RBFOX1: variants seen among roughly 807,000 people sequenced by gnomAD.
The protein encoded by RBFOX1 is RNA binding protein fox-1 homolog 1.
RBFOX1 carries 8 observed loss-of-function variants against 57.7 expected under a neutral mutation model. The ratio of observed to expected loss-of-function variants is 0.14; its 90% confidence interval spans 0.08 to 0.25. The LOEUF (loss-of-function observed/expected upper bound fraction) is 0.25. Ranked by LOEUF, RBFOX1 falls within the 10% of genes least tolerant of loss-of-function variation. The pLI is 1.00. For missense variants in RBFOX1, 611 were observed against 548.5 expected (o/e 1.11, Z -1.14); for synonymous variants, 326 against 222.4 (o/e 1.47, Z -4.15).
chr16:7,320,758 C>G (rs771811081), intron 4 of RBFOX1, among the ~76,000 whole-genome samples: 27 of 152,232 alleles, frequency 1.8e-4, no homozygotes, highest in Admixed American at 3.3e-4. Flanking sequence ...AGCTCAAACA[C>G]TTACAAATGG....
intron 3 of RBFOX1, among the ~76,000 whole-genome samples, chr16:5,698,429 C>G (rs2050916361): frequency 6.6e-6 from 1 of 151,958 alleles, no homozygotes; most frequent in Non-Finnish European, 1.5e-5. Flanking sequence ...ATTGTAGTTT[C>G]CTTACTTTTT....
intron 4 of RBFOX1, among the ~76,000 whole-genome samples, chr16:7,465,274 C>G (rs1447619238): frequency 6.6e-6 from 1 of 152,232 alleles, no homozygotes; most frequent in Non-Finnish European, 1.5e-5. Context: ...GAAGTACACA[C>G]TCATTACAAC....
chr16:6,884,626 T>C (rs2063606566), intron 3 of RBFOX1, among the ~76,000 whole-genome samples: 2 of 152,130 alleles, frequency 1.3e-5, no homozygotes, highest in African/African-American at 4.8e-5. Flanking sequence ...TGGCCAGGTG[T>C]GGTGGCTCAC....
chr16:6,165,907 G>A (rs1421327338), intron 1 of RBFOX1, among the ~76,000 whole-genome samples: 5 of 152,284 alleles, frequency 3.3e-5, no homozygotes, highest in Non-Finnish European at 7.4e-5. Flanking sequence ...AGAGGGAGAC[G>A]TCAAACTTAG....
chr16:6,420,457 A>G (rs2093741096), intron 2 of RBFOX1, among the ~76,000 whole-genome samples: 1 of 151,954 alleles, frequency 6.6e-6, no homozygotes, highest in Non-Finnish European at 1.5e-5. Context: ...GGTGTTTCTG[A>G]ATCAAGGATG....
intron 4 of RBFOX1, among the ~76,000 whole-genome samples, chr16:7,166,972 C>CTTTTTTTTTTTTTT (rs537293692): frequency 3.9e-4 from 19 of 49,110 alleles, no homozygotes; most frequent in East Asian, 6.4e-4. Flanking sequence ...CATTGGTGTT[C>CTTTTTTTTTTTTTT]TTTTTTTTTT....
chr16:5,343,885 A>G (rs1325384959), intron 1 of RBFOX1, among the ~76,000 whole-genome samples: 2 of 152,186 alleles, frequency 1.3e-5, no homozygotes, highest in Non-Finnish European at 2.9e-5. Context: ...TTTTTGCAGT[A>G]TGTATACTGT....
chr16:7,045,344 A>G (rs888135750), intron 3 of RBFOX1, among the ~76,000 whole-genome samples: 13 of 152,200 alleles, frequency 8.5e-5, no homozygotes. Context: ...CTGTGCAGGG[A>G]AAAATAAACA....
At chr16:7,199,664 C>G (rs963852104) in intron 4 of RBFOX1, among the ~76,000 whole-genome samples, 12 of 152,292 alleles carry the variant, frequency 7.9e-5, no homozygotes, top group African/African-American at 2.4e-4. Context: ...CAGGCTGAGG[C>G]AGACCAATCA....
chr16:6,809,948 T>G (rs559007198), intron 3 of RBFOX1, among the ~76,000 whole-genome samples: 2 of 152,028 alleles, frequency 1.3e-5, no homozygotes, highest in African/African-American at 4.8e-5. Context: ...CCGCTTGTCC[T>G]GAGTTGAGAT....
chr16:7,262,331 A>G (rs2094950408), intron 4 of RBFOX1, among the ~76,000 whole-genome samples: 1 of 151,428 alleles, frequency 6.6e-6, no homozygotes, highest in African/African-American at 2.4e-5. Flanking sequence ...TTTCATATTA[A>G]TGGGAAAACC....
At chr16:5,333,382 G>A (rs950815259) in intron 1 of RBFOX1, among the ~76,000 whole-genome samples, 3 of 152,204 alleles carry the variant, frequency 2.0e-5, no homozygotes, top group African/African-American at 7.2e-5. Flanking sequence ...CAATGGCAGA[G>A]TTGAGTAATT....
intron 2 of RBFOX1, among the ~76,000 whole-genome samples, chr16:5,587,163 T>C (rs1477943190): frequency 2.0e-5 from 3 of 152,184 alleles, no homozygotes; most frequent in African/African-American, 7.2e-5. Context: ...GAGCAACCCA[T>C]TGAGTTGGGA....
At chr16:7,550,859 C>T (rs1483709472) in intron 5 of RBFOX1, among the ~76,000 whole-genome samples, 7 of 151,920 alleles carry the variant, frequency 4.6e-5, no homozygotes, top group Admixed American at 1.3e-4. Flanking sequence ...TTTGAGAGGC[C>T]GAGGCAGGCG....
rs539502472 is a variant in RBFOX1, at chr16:6,955,685, G to C, written c.-15-96372G>C. Among the ~76,000 whole-genome samples, 63 of 100,594 alleles carry C rather than the reference G, an allele frequency of 6.3e-4. No homozygotes were observed. The East Asian group carries it at 0.012, about 20-fold the overall frequency. The allele number at this position is 100,594 out of a possible 152,430, so 66.0% of individuals were successfully genotyped here. ...ACCACCACTTTATTTATTTAGGTAT[G>C]TATGTATTTATTTATTTATTTATTT... On this transcript the variant is annotated intron_variant, in intron 3 of 15. Coordinates refer to ENST00000550418, the MANE Select transcript of RBFOX1 (RefSeq NM_018723.4).
At chr16:5,936,626 G>T (rs1295177439) in intron 4 of RBFOX1, among the ~76,000 whole-genome samples, 1 of 152,186 alleles carries the variant, frequency 6.6e-6, no homozygotes, top group African/African-American at 2.4e-5. Context: ...GATGGTGGAT[G>T]ATGAACATTT....
intron 2 of RBFOX1, among the ~76,000 whole-genome samples, chr16:6,468,736 C>T (rs926515605): frequency 1.7e-4 from 26 of 151,962 alleles, no homozygotes; most frequent in Non-Finnish European, 3.5e-4. Context: ...TTGCTCAGTC[C>T]TCTTTTCTAC....
At chr16:6,252,664 G>A (rs758115032) in intron 1 of RBFOX1, among the ~76,000 whole-genome samples, 18 of 152,116 alleles carry the variant, frequency 1.2e-4, no homozygotes, top group African/African-American at 3.6e-4. Flanking sequence ...TCATGACTGT[G>A]TACAGCCAGA....
intron 3 of RBFOX1, among the ~76,000 whole-genome samples, chr16:6,733,736 C>T (rs564584053): frequency 5.9e-5 from 9 of 151,740 alleles, no homozygotes; most frequent in South Asian, 2.1e-4. Context: ...CCAGCCCGGG[C>T]GAAAGAGCGA....
Sources: allele counts gnomAD v4.1 joint callset (sites outside exome capture counted in the v4.1 genomes callset), GRCh38; gene constraint gnomAD v4.1.1; transcripts MANE v1.5; gene names NCBI Gene and HGNC (gene_info 2026-07-23, HGNC 2026-07-21).